The following NRXN1 variants were observed in gnomAD, a reference collection of about 807,000 sequenced individuals.
NRXN1 encodes neurexin-1.
A neutral mutation model predicts 150.9 loss-of-function variants in NRXN1; 39 were observed. The ratio of observed to expected loss-of-function variants is 0.26; its 90% CI spans 0.20 to 0.34. The LOEUF is 0.34. Ranked by LOEUF, NRXN1 falls within the 10% of genes least tolerant of loss-of-function variation. The pLI, the probability that NRXN1 is intolerant of heterozygous loss-of-function variation, is 1.00. For synonymous variants in NRXN1, 924 were observed against 757.0 expected (o/e 1.22, Z -3.62); for missense variants, 1,815 against 1,949.9 (o/e 0.93, Z 1.30).
At chr2:50,628,166 G>T (rs530388830) in intron 5 of NRXN1, among the ~76,000 whole-genome samples, 1 of 151,830 alleles carries the variant, frequency 6.6e-6, no homozygotes, top group East Asian at 1.9e-4. Context: ...CAAAGGTTTT[G>T]TTTGCCAGAT....
intron 8 of NRXN1, among the ~76,000 whole-genome samples, chr2:50,601,675 G>GT (rs1023640394): frequency 6.6e-6 from 1 of 152,144 alleles, no homozygotes; most frequent in African/African-American, 2.4e-5. Context: ...ATTAAGGACT[G>GT]TTTTTAGTGG....
intron 5 of NRXN1, among the ~76,000 whole-genome samples, chr2:50,696,921 T>C (rs569344890): frequency 5.9e-5 from 9 of 152,300 alleles, no homozygotes; most frequent in African/African-American, 2.2e-4. Context: ...ATACATAAAT[T>C]CTTTAAACAG....
chr2:50,464,565 C>G (rs2088612507), intron 17 of NRXN1: 1 of 151,922 alleles, frequency 6.6e-6, no homozygotes, highest in Non-Finnish European at 1.5e-5. Flanking sequence ...AAATCTAAAC[C>G]TTCAACCGTT....
chr2:50,039,723 T>C (rs1178877330), intron 21 of NRXN1, among the ~76,000 whole-genome samples: 1 of 152,158 alleles, frequency 6.6e-6, no homozygotes, highest in Non-Finnish European at 1.5e-5. Flanking sequence ...GAATTAAAAC[T>C]GTGACTGGGA....
At chr2:50,596,953 G>A (rs143202505) in intron 8 of NRXN1, among the ~76,000 whole-genome samples, 51 of 136,024 alleles carry the variant, frequency 3.7e-4, no homozygotes, top group African/African-American at 1.4e-3. Context: ...TATAACCTCT[G>A]CTCCTGGACT....
intron 21 of NRXN1, among the ~76,000 whole-genome samples, chr2:50,027,238 C>G (rs148941756): frequency 6.6e-6 from 1 of 151,912 alleles, no homozygotes; most frequent in African/African-American, 2.4e-5. Flanking sequence ...AAGTTTCTAC[C>G]CTGTCCTGAT....
In NRXN1 at chr2:49,967,994, A is replaced by T. The variant is rs1309568618; in HGVS notation, c.4129-24203T>A. On this transcript the variant is annotated intron_variant, in intron 21 of 22. Transcript: ENST00000401669. The stretch of plus-strand genomic sequence containing the variant: ...CCATATTTTAAGCTGCTTACTGAGA[A>T]AATAATACTATTGATGACCATTCCA... Among the ~76,000 whole-genome samples, 4 of 152,168 alleles carry T rather than the reference A, an allele frequency of 2.6e-5. 1 individual carries two copies. Among genetic ancestry groups the T allele is most frequent in the African/African-American group, 9.6e-5 (4 of 41,556 alleles).
At chr2:50,778,379 G>T (rs2105496207) in intron 5 of NRXN1, among the ~76,000 whole-genome samples, 1 of 152,270 alleles carries the variant, frequency 6.6e-6, no homozygotes, top group African/African-American at 2.4e-5. Flanking sequence ...TTTTTAAATA[G>T]ACTGTTACTG....
intron 5 of NRXN1, among the ~76,000 whole-genome samples, chr2:50,888,914 T>C (rs989162940): frequency 1.3e-5 from 2 of 151,704 alleles, no homozygotes; most frequent in Non-Finnish European, 3.0e-5. Flanking sequence ...CTTTCCTCTT[T>C]ATTATTTTCT....
chr2:50,869,781 A>T (rs1335287872), intron 5 of NRXN1, among the ~76,000 whole-genome samples: 1 of 151,842 alleles, frequency 6.6e-6, no homozygotes, highest in East Asian at 1.9e-4. Context: ...AAAACCCAAC[A>T]CATTCTTAGC....
rs534878065 is a variant in NRXN1, at chr2:50,559,247, C to A, written c.1321-6222G>T. 2.0e-5 allele frequency among the ~76,000 whole-genome samples: 3 copies of A among 152,298 alleles called. No individual in the cohort carries two copies. In the East Asian group the frequency reaches 5.8e-4, roughly 29 times the overall value. ...GGAACTAGCCAGCAAGTGAAAAGTA[C>A]AAGCGTCATCCAGTAAGTAGCAGAT... On this transcript the variant is annotated intron_variant, in intron 8 of 22. Transcript: ENST00000401669.
intron 21 of NRXN1, among the ~76,000 whole-genome samples, chr2:50,052,074 A>G (rs1022756932): frequency 1.6e-4 from 25 of 152,098 alleles, no homozygotes; most frequent in African/African-American, 6.0e-4. Context: ...AGTAAAAATC[A>G]GAGTCAATTT....
At chr2:49,944,051 G>C (rs950624848) in intron 21 of NRXN1, among the ~76,000 whole-genome samples, 3 of 152,194 alleles carry the variant, frequency 2.0e-5, no homozygotes, top group Non-Finnish European at 4.4e-5. Flanking sequence ...CTCAAATGCA[G>C]ATAGAAGCTG....
At chr2:50,824,862 A>G (rs924467150) in intron 5 of NRXN1, among the ~76,000 whole-genome samples, 2 of 152,202 alleles carry the variant, frequency 1.3e-5, no homozygotes, top group Non-Finnish European at 2.9e-5. Context: ...AAGAGGGAAT[A>G]CTTGTTTTAA....
Position 50,951,942 on chromosome 2 carries a change from AAT to A in NRXN1, c.773-25989_773-25988del, listed in dbSNP as rs1165247495. On this transcript the variant is annotated intron_variant, in intron 2 of 22. Coordinates refer to ENST00000401669, the MANE Select transcript of NRXN1 (RefSeq NM_001330078.2). Reference sequence around the variant, plus strand: ...AGAGTAGCAAAACTGTACATGAATAAATATATATATATATATATATATTTTTT... The same window carrying A: ...AGAGTAGCAAAACTGTACATGAATAAATATATATATATATATATATTTTTT... Among the ~76,000 whole-genome samples, 697 of 112,744 alleles carry A rather than the reference AAT, an allele frequency of 6.2e-3. 14 individuals are homozygous for A. The highest frequency in any genetic ancestry group is 0.024 in the Middle Eastern group (4 of 170). The allele number at this position is 112,744 out of a possible 152,430, so 74.0% of individuals were successfully genotyped here.
At chr2:50,726,260 C>T (rs751060771) in intron 5 of NRXN1, among the ~76,000 whole-genome samples, 4 of 152,146 alleles carry the variant, frequency 2.6e-5, no homozygotes, top group African/African-American at 4.8e-5. Flanking sequence ...ATTTCCATTA[C>T]GTGGTTTAAT....
At chr2:49,938,278 T>C (rs898451361) in intron 22 of NRXN1, among the ~76,000 whole-genome samples, 5 of 152,190 alleles carry the variant, frequency 3.3e-5, no homozygotes, top group East Asian at 1.9e-4. Context: ...AAATGCTTCA[T>C]AGTTTCATAA....
chr2:50,381,095 G>C (rs986967245), intron 17 of NRXN1, among the ~76,000 whole-genome samples: 1 of 151,848 alleles, frequency 6.6e-6, no homozygotes, highest in African/African-American at 2.4e-5. Flanking sequence ...ATAATATCAG[G>C]GACATAATAA....
At chr2:49,939,168 C>G (rs528147084) in intron 22 of NRXN1, among the ~76,000 whole-genome samples, 11 of 152,234 alleles carry the variant, frequency 7.2e-5, no homozygotes, top group Non-Finnish European at 1.5e-4. Flanking sequence ...TATATTAACT[C>G]CAGCAATCAC....
Sources: allele counts gnomAD v4.1 joint callset (sites outside exome capture counted in the v4.1 genomes callset), GRCh38; gene constraint gnomAD v4.1.1; transcripts MANE v1.5; gene names NCBI Gene and HGNC (gene_info 2026-07-23, HGNC 2026-07-21).